KDM6A: variants seen among roughly 807,000 people sequenced by gnomAD.
KDM6A encodes the protein lysine-specific demethylase 6A.
A neutral mutation model predicts 117.6 loss-of-function variants in KDM6A; 11 were observed. The ratio of observed to expected loss-of-function variants is 0.09; its 90% CI spans 0.06 to 0.15. The LOEUF is 0.15. Among genes scored for constraint, KDM6A ranks in the 10% least tolerant of loss-of-function variants. KDM6A has a pLI of 1.00. For missense variants in KDM6A, 799 were observed against 1,077.3 expected, an observed-to-expected ratio of 0.74 and a Z score of 3.62; for synonymous variants, 384 against 396.1, an observed-to-expected ratio of 0.97 and a Z score of 0.36.
At chrX:44,880,743 G>A (rs374546451) in intron 2 of KDM6A, among the ~76,000 whole-genome samples, 2 of 110,467 alleles carry the variant, frequency 1.8e-5, no homozygotes, top group East Asian at 2.8e-4. Context: ...AGTGAGCCGA[G>A]ATCGCGCCAC....
chrX:44,919,606 A>G (rs2035774789), intron 2 of KDM6A, among the ~76,000 whole-genome samples: 1 of 104,989 alleles, frequency 9.5e-6, no homozygotes, highest in African/African-American at 3.5e-5. Flanking sequence ...ATTTTGCTAT[A>G]TTGTGTTTTC....
In KDM6A at chrX:44,889,486, G is replaced by A. The variant is rs192417669; in HGVS notation, c.225+15499G>A. On this transcript the variant is annotated intron_variant, in intron 2 of 29. Transcript: ENST00000611820. ...TTAAAAAAAATTTTTTTTTAAAATC[G>A]GCTTTTCAAAGATGACAAATGGATA... is the stretch of plus-strand genomic sequence containing the variant. 4.1e-3 allele frequency among the ~76,000 whole-genome samples: 452 copies of A among 111,535 alleles called. 4 individuals are homozygous for A. Among genetic ancestry groups the A allele is most frequent in the African/African-American group, 0.014 (431 of 30,707 alleles).
At chrX:44,947,222 G>GATCT (rs1323481214) in intron 2 of KDM6A, among the ~76,000 whole-genome samples, 2 of 110,466 alleles carry the variant, frequency 1.8e-5, no homozygotes, top group Non-Finnish European at 3.8e-5. Flanking sequence ...TTGCGGGGGA[G>GATCT]ATCTGTAGGA....
chrX:45,093,716 A>C (rs2045989673), intron 27 of KDM6A, among the ~76,000 whole-genome samples: 1 of 110,972 alleles, frequency 9.0e-6, no homozygotes, highest in Non-Finnish European at 1.9e-5. Context: ...TCCCTACCCC[A>C]CCCTCAATAT....
chrX:45,081,909 G>C (rs1366487776), intron 21 of KDM6A, among the ~76,000 whole-genome samples: 3 of 109,777 alleles, frequency 2.7e-5, no homozygotes, highest in Admixed American at 9.7e-5. Context: ...CTCCCAAGAA[G>C]CTGGGACCAC....
intron 2 of KDM6A, among the ~76,000 whole-genome samples, chrX:44,914,248 G>C (rs1271448482): frequency 1.8e-5 from 2 of 111,982 alleles, no homozygotes; most frequent in Non-Finnish European, 3.8e-5. Flanking sequence ...AGCTGTGCTG[G>C]GGGGGTCAGC....
At chrX:44,886,065 GT>G (rs1161866320) in intron 2 of KDM6A, among the ~76,000 whole-genome samples, 15 of 104,874 alleles carry the variant, frequency 1.4e-4, no homozygotes, top group East Asian at 3.0e-4. Context: ...AATACTGGTA[GT>G]TTTTTTTTTT....
At chrX:44,914,598 T>A (rs780559193) in intron 2 of KDM6A, among the ~76,000 whole-genome samples, 1 of 111,302 alleles carries the variant, frequency 9.0e-6, no homozygotes, top group South Asian at 3.8e-4. Flanking sequence ...GGGATGTTTC[T>A]TTTTCATATG....
intron 19 of KDM6A, 76 bp downstream of exon 19, chrX:45,076,902 A>T: frequency 1.1e-6 from 1 of 897,937 alleles, no homozygotes; most frequent in African/African-American, 2.0e-5. Flanking sequence ...TTAAATTTAC[A>T]TGGATGCCCT....
Position 45,060,719 on chromosome X carries a change from C to A in KDM6A, c.1440C>A (p.Asp480Glu). Reference sequence around the variant, plus strand: ...TGATTCCTTCTAGCCAAGTAGATGACCTGTCCAGTCCTGCCAAGAGGAAAA... The same window carrying A: ...TGATTCCTTCTAGCCAAGTAGATGAACTGTCCAGTCCTGCCAAGAGGAAAA... ...LHMIPSSQVD[D>E]LSSPAKRKRT... Residue 480 changes from aspartate to glutamate, a missense_variant, in exon 14 of 30, where the codon GAC (aspartate) becomes GAA (glutamate). Physicochemically the swap from Asp to Glu is conservative, Grantham distance 45. Transcript: ENST00000611820. The A allele has an allele frequency of 9.4e-7, 1 of 1,064,215 alleles. No individual in the cohort carries two copies. Among genetic ancestry groups the A allele is most frequent in the African/African-American group, 1.9e-5 (1 of 53,913 alleles). 87.7% of individuals were successfully genotyped at this position (1,064,215 alleles called of 1,213,427 possible). A position where few individuals can be genotyped will look rare whatever the true frequency, so the allele number is the denominator to read the frequency against.
At chrX:44,962,674 CA>C (rs765921324) in intron 3 of KDM6A, among the ~76,000 whole-genome samples, 170 of 111,776 alleles carry the variant, frequency 1.5e-3, no homozygotes, top group African/African-American at 5.4e-3. Context: ...TAAAACCAAT[CA>C]AACAAAATTT....
At chrX:44,987,046 A>C (rs2040267061) in intron 4 of KDM6A, among the ~76,000 whole-genome samples, 1 of 111,355 alleles carries the variant, frequency 9.0e-6, no homozygotes. Context: ...GTGGGAGTCT[A>C]AGTCTCTTTG....
chrX:44,973,911 CCCT>C (rs1457687976), intron 3 of KDM6A, among the ~76,000 whole-genome samples: 2 of 110,666 alleles, frequency 1.8e-5, no homozygotes, highest in African/African-American at 6.6e-5. Context: ...CTTTTCATCC[CCCT>C]CAATGAAAAC....
intron 2 of KDM6A, among the ~76,000 whole-genome samples, chrX:44,910,601 CAAGT>C (rs1290020013): frequency 1.9e-5 from 2 of 106,366 alleles, no homozygotes; most frequent in Non-Finnish European, 3.8e-5. Flanking sequence ...AGCAGATAAA[CAAGT>C]GAGCAAAGGT....
At chrX:44,926,597 A>G (rs1248205302) in intron 2 of KDM6A, among the ~76,000 whole-genome samples, 1 of 111,483 alleles carries the variant, frequency 9.0e-6, no homozygotes, top group Non-Finnish European at 1.9e-5. Context: ...TTAAAGGAGG[A>G]TGATACGTAT....
intron 3 of KDM6A, among the ~76,000 whole-genome samples, chrX:44,971,071 G>A (rs1233055129): frequency 9.0e-6 from 1 of 111,536 alleles, no homozygotes; most frequent in African/African-American, 3.3e-5. Context: ...GATTGAGAGT[G>A]TGGTTAGAAA....
At chrX:45,020,530 C>A (rs1310756928) in intron 5 of KDM6A, 80 bp from the exon 6 acceptor site, 1 of 978,882 alleles carries the variant, frequency 1.0e-6, no homozygotes, top group South Asian at 2.0e-5. Context: ...TTGCATAAAA[C>A]AGAAGTTTCA....
At chrX:45,008,868 G>A (rs934091711) in intron 4 of KDM6A, among the ~76,000 whole-genome samples, 13 of 111,922 alleles carry the variant, frequency 1.2e-4, no homozygotes, top group Non-Finnish European at 1.9e-5. Flanking sequence ...GAATACTTCT[G>A]TAATATAATT....
chrX:45,051,565 A>G (rs1014785010), intron 8 of KDM6A, 144 bp from the exon 9 acceptor site: 3 of 426,500 alleles, frequency 7.0e-6, no homozygotes, highest in African/African-American at 5.0e-5. Context: ...ATGTTAAAGA[A>G]ACATTCAATA....
Sources: allele counts gnomAD v4.1 joint callset (sites outside exome capture counted in the v4.1 genomes callset), GRCh38; gene constraint gnomAD v4.1.1; transcripts MANE v1.5; gene names NCBI Gene and HGNC (gene_info 2026-07-23, HGNC 2026-07-21).